Variants in GALNT17 observed in about 807,000 individuals in gnomAD.
GALNT17 encodes UDP-GalNAc:polypeptide N-acetylgalactosaminyltransferase-like 3.
Under a neutral mutation model 63.7 loss-of-function variants are expected in GALNT17, and 29 were observed. The observed-to-expected ratio is 0.46, with a 90% CI of 0.34 to 0.62. GALNT17 has a LOEUF of 0.62. Among genes scored for constraint, GALNT17 ranks in the 20% least tolerant of loss-of-function variants. The pLI, the probability that GALNT17 is intolerant of heterozygous loss-of-function variation, is 0.01. For missense variants in GALNT17, 603 were observed against 799.6 expected, an observed-to-expected ratio of 0.75 and a Z score of 2.97; for synonymous variants, 305 against 318.3, an observed-to-expected ratio of 0.96 and a Z score of 0.45.
chr7:71,481,720 C>G (rs1787821237), intron 5 of GALNT17, among the ~76,000 whole-genome samples: 1 of 152,146 alleles, frequency 6.6e-6, no homozygotes, highest in Non-Finnish European at 1.5e-5. Flanking sequence ...TCTCCCACAG[C>G]TGGACTTTGT....
intron 6 of GALNT17, among the ~76,000 whole-genome samples, chr7:71,603,883 G>A (rs1790006519): frequency 6.7e-6 from 1 of 149,868 alleles, no homozygotes; most frequent in African/African-American, 2.5e-5. Flanking sequence ...CATACACCAG[G>A]TACTGTGCTA....
rs1433705580 is a variant in GALNT17 at position 71,712,703 on chromosome 7, A to T, written c.*557A>T. The stretch of plus-strand genomic sequence containing the variant: ...GCAGCTACTGCCCCTAACCCTTCCC[A>T]CCAGGGTAGCTTTGGGCACTGCAGC... On this transcript the variant is annotated 3_prime_UTR_variant, in exon 11 of 11. Transcript: ENST00000333538. 1 of 152,986 alleles carries T rather than the reference A, an allele frequency of 6.5e-6. No homozygotes were observed. The highest frequency in any genetic ancestry group is 1.5e-5 in the Non-Finnish European group (1 of 68,816). The allele number at this position is 152,986 out of a possible 1,614,324, so 9.5% of individuals were successfully genotyped here. A position where few individuals can be genotyped will look rare whatever the true frequency, so the allele number is the denominator to read the frequency against.
intron 6 of GALNT17, among the ~76,000 whole-genome samples, chr7:71,581,489 T>G (rs6946213): frequency 0.11 from 17,223 of 151,936 alleles, 1,620 homozygotes; most frequent in African/African-American, 0.27. Flanking sequence ...TCGTGAGAAC[T>G]CACTCACTAT....
intron 6 of GALNT17, among the ~76,000 whole-genome samples, chr7:71,572,142 C>G (rs1289304791): frequency 6.6e-6 from 1 of 151,206 alleles, no homozygotes; most frequent in Non-Finnish European, 1.5e-5. Flanking sequence ...CTTGGGAAGC[C>G]GAGTCAGGAG....
At chr7:71,581,645 G>T (rs1165906081) in intron 6 of GALNT17, among the ~76,000 whole-genome samples, 1 of 152,118 alleles carries the variant, frequency 6.6e-6, no homozygotes, top group Non-Finnish European at 1.5e-5. Flanking sequence ...ATCAGTGGTG[G>T]TCCACTGAAT....
chr7:71,567,207 C>G (rs962077866), intron 5 of GALNT17, among the ~76,000 whole-genome samples: 2 of 152,108 alleles, frequency 1.3e-5, no homozygotes, highest in African/African-American at 4.8e-5. Flanking sequence ...TAAAAGGCGC[C>G]AAGAGCTGGG....
intron 1 of GALNT17, among the ~76,000 whole-genome samples, chr7:71,308,020 T>C (rs1361603056): frequency 2.0e-5 from 3 of 151,822 alleles, no homozygotes; most frequent in South Asian, 4.2e-4. Context: ...AGGGGTCTTG[T>C]GTGTTTTCCA....
intron 3 of GALNT17, among the ~76,000 whole-genome samples, chr7:71,390,459 T>C (rs890954414): frequency 2.6e-5 from 4 of 152,178 alleles, no homozygotes; most frequent in Non-Finnish European, 4.4e-5. Flanking sequence ...CTTAGTTTTA[T>C]TTCCTTACCT....
At chr7:71,427,361 G>T (rs1786778879) in intron 5 of GALNT17, among the ~76,000 whole-genome samples, 1 of 151,988 alleles carries the variant, frequency 6.6e-6, no homozygotes. Context: ...CCCCTAAAGT[G>T]CTGGGATTAC....
In GALNT17 at chr7:71,656,855, A is replaced by G. The variant is rs369110650; in HGVS notation, c.1081-8556A>G. 3.9e-5 allele frequency among the ~76,000 whole-genome samples: 6 copies of G among 152,230 alleles called. No individual in the cohort carries two copies. In the East Asian group the frequency reaches 1.2e-3, roughly 29 times the overall value. ...AATTTGAGTGACGGAGGTCGTGGGG[A>G]GAGAGAACACACTGTCTTTCTGCTC... On this transcript the variant is annotated intron_variant, in intron 6 of 10. Transcript: ENST00000333538.
intron 5 of GALNT17, among the ~76,000 whole-genome samples, chr7:71,446,624 C>T (rs1787164558): frequency 6.6e-6 from 1 of 152,218 alleles, no homozygotes; most frequent in Non-Finnish European, 1.5e-5. Context: ...TCTCGGCTCA[C>T]TGCAACCTCT....
At chr7:71,458,869 G>A (rs958439297) in intron 5 of GALNT17, among the ~76,000 whole-genome samples, 2 of 152,022 alleles carry the variant, frequency 1.3e-5, no homozygotes, top group African/African-American at 2.4e-5. Flanking sequence ...CTGGGGGTTC[G>A]GGGTTTATAT....
intron 5 of GALNT17, among the ~76,000 whole-genome samples, chr7:71,428,991 C>G (rs1333337504): frequency 6.6e-6 from 1 of 152,204 alleles, no homozygotes; most frequent in African/African-American, 2.4e-5. Context: ...CCTTCAGGTA[C>G]AGTTTGCTTC....
At chr7:71,431,215 T>C (rs887729555) in intron 5 of GALNT17, among the ~76,000 whole-genome samples, 2 of 143,444 alleles carry the variant, frequency 1.4e-5, no homozygotes, top group Admixed American at 7.0e-5. Context: ...TTTTCTTTTT[T>C]TTTTTTTTTT....
intron 1 of GALNT17, among the ~76,000 whole-genome samples, chr7:71,199,676 TCCATCCA>T (rs1562907997): frequency 1.1e-4 from 1 of 8,874 alleles, no homozygotes; most frequent in Non-Finnish European, 3.4e-4. Flanking sequence ...CTTCCACCCA[TCCATCCA>T]TCCATCCATC....
chr7:71,285,519 G>A (rs7792223), intron 1 of GALNT17, among the ~76,000 whole-genome samples: 27,373 of 152,158 alleles, frequency 0.18, 2,725 homozygotes, highest in East Asian at 0.33. Flanking sequence ...TTATGGACTG[G>A]ATGTTAGTGT....
rs559807140 is a variant in GALNT17, at chr7:71,349,223, G to A, written c.422+13490G>A. On this transcript the variant is annotated intron_variant, in intron 2 of 10. Coordinates refer to ENST00000333538, the MANE Select transcript of GALNT17 (RefSeq NM_022479.3). ...CCAAGTGGCAGCAGGAGAGAACCAC[G>A]GTGCTTTCGTAACAAGCTGAGATTT... is the stretch of plus-strand genomic sequence containing the variant. Among the ~76,000 whole-genome samples the A allele has an allele frequency of 7.9e-5, 12 of 152,156 alleles. 1 individual carries two copies. Among genetic ancestry groups the A allele is most frequent in the African/African-American group, 2.4e-4 (10 of 41,436 alleles).
chr7:71,397,669 T>C (rs1583917862), intron 3 of GALNT17, among the ~76,000 whole-genome samples: 1 of 152,348 alleles, frequency 6.6e-6, no homozygotes, highest in South Asian at 2.1e-4. Flanking sequence ...TGTGCGTTGT[T>C]GTCGTCTTGG....
At chr7:71,140,112 C>T (rs11976822) in intron 1 of GALNT17, among the ~76,000 whole-genome samples, 2,035 of 152,344 alleles carry the variant, frequency 0.013, 40 homozygotes, top group African/African-American at 0.045. Flanking sequence ...TTCTTTCTTG[C>T]AGCCCACAGA....
Sources: allele counts gnomAD v4.1 joint callset (sites outside exome capture counted in the v4.1 genomes callset), GRCh38; gene constraint gnomAD v4.1.1; transcripts MANE v1.5; gene names NCBI Gene and HGNC (gene_info 2026-07-23, HGNC 2026-07-21).